The following PIP4K2A variants were observed in gnomAD, a reference collection of about 807,000 sequenced individuals.
PIP4K2A encodes the protein phosphatidylinositol-5-phosphate 4-kinase type 2 alpha, also known as phosphatidylinositol 5-phosphate 4-kinase type-2 alpha.
PIP4K2A carries 14 observed loss-of-function variants against 42.9 expected under a neutral mutation model. The ratio of observed to expected loss-of-function variants is 0.33; its 90% CI spans 0.22 to 0.51. The LOEUF (loss-of-function observed/expected upper bound fraction) is 0.51. PIP4K2A is among the 20% of genes least tolerant of loss of function. The pLI is 0.97. For synonymous variants in PIP4K2A, 192 were observed against 192.2 expected, an observed-to-expected ratio of 1.00 and a Z score of 0.01; for missense variants, 434 against 519.8, an observed-to-expected ratio of 0.83 and a Z score of 1.61.
chr10:22,685,998 T>C (rs1839758108), intron 1 of PIP4K2A, among the ~76,000 whole-genome samples: 1 of 152,206 alleles, frequency 6.6e-6, no homozygotes, highest in Non-Finnish European at 1.5e-5. Flanking sequence ...CTCCCTCTCA[T>C]TCCAATATTC....
intron 1 of PIP4K2A, among the ~76,000 whole-genome samples, chr10:22,698,195 G>A (rs74394799): frequency 8.5e-5 from 13 of 152,240 alleles, no homozygotes; most frequent in African/African-American, 2.2e-4. Context: ...GCCCATGTGC[G>A]TACATCTTTG....
chr10:22,678,014 A>G (rs751924971), intron 1 of PIP4K2A, among the ~76,000 whole-genome samples: 63 of 152,238 alleles, frequency 4.1e-4, no homozygotes, highest in Admixed American at 1.8e-3. Flanking sequence ...ATAGCTGACC[A>G]TTAATCACAT....
rs150254345 is a variant in PIP4K2A, at chr10:22,705,426, T to TAA, written c.144+8755_144+8756dup. ...TACGTATTATATTCAGTACCCCAGT[T>TAA]AAAAAAAAAAAAAAAAAAAAAAAAA... is the stretch of plus-strand genomic sequence containing the variant. On this transcript the variant is annotated intron_variant, in intron 1 of 9. Coordinates refer to ENST00000376573, the MANE Select transcript of PIP4K2A (RefSeq NM_005028.5). 6.5e-4 allele frequency among the ~76,000 whole-genome samples: 19 copies of TAA among 29,276 alleles called. 5 individuals carry two copies. The highest frequency in any genetic ancestry group is 1.9e-3 in the East Asian group (1 of 532). The allele number at this position is 29,276 out of a possible 152,430, so 19.2% of individuals were successfully genotyped here. A position where few individuals can be genotyped will look rare whatever the true frequency, so the allele number is the denominator to read the frequency against.
At chr10:22,692,310 G>A (rs750497392) in intron 1 of PIP4K2A, among the ~76,000 whole-genome samples, 10 of 152,024 alleles carry the variant, frequency 6.6e-5, no homozygotes, top group South Asian at 6.2e-4. Context: ...GAGCTCAGGC[G>A]GTAATGTGAG....
In PIP4K2A at chr10:22,541,634, A is replaced by G. The variant is rs374021474; in HGVS notation, c.1036+170T>C. ...GATCGCCTTATGTTTCAGCACTGAG[A>G]TCACGGTTAGCTTTAACATACTCTT... is the stretch of plus-strand genomic sequence containing the variant. On this transcript the variant is annotated intron_variant, in intron 8 of 9. Coordinates refer to ENST00000376573, the MANE Select transcript of PIP4K2A (RefSeq NM_005028.5). Among the ~76,000 whole-genome samples the G allele has an allele frequency of 3.9e-5, 6 of 152,160 alleles. No individual in the cohort carries two copies. In the East Asian group the frequency reaches 7.7e-4, roughly 20 times the overall value.
chr10:22,554,710 A>C (rs1836491695), intron 6 of PIP4K2A, among the ~76,000 whole-genome samples: 1 of 152,244 alleles, frequency 6.6e-6, no homozygotes, highest in East Asian at 1.9e-4. Flanking sequence ...TTTTGTGCAG[A>C]TCAGAGCCTC....
chr10:22,708,291 G>A (rs1428583036), intron 1 of PIP4K2A, among the ~76,000 whole-genome samples: 2 of 152,194 alleles, frequency 1.3e-5, no homozygotes, highest in African/African-American at 2.4e-5. Flanking sequence ...TAATTGTGCC[G>A]ACCTCTGTTT....
chr10:22,633,797 A>G (rs1394052179), intron 1 of PIP4K2A, among the ~76,000 whole-genome samples: 5 of 152,214 alleles, frequency 3.3e-5, no homozygotes, highest in Admixed American at 3.3e-4. Flanking sequence ...TCTTTGCCCC[A>G]GTATGGAGGC....
chr10:22,677,411 G>A (rs1361164758), intron 1 of PIP4K2A, among the ~76,000 whole-genome samples: 2 of 152,166 alleles, frequency 1.3e-5, no homozygotes, highest in African/African-American at 4.8e-5. Flanking sequence ...GCTTAGTTAT[G>A]AGGAGACCCC....
chr10:22,685,543 A>T (rs1158882581), intron 1 of PIP4K2A, among the ~76,000 whole-genome samples: 1 of 152,030 alleles, frequency 6.6e-6, no homozygotes, highest in African/African-American at 2.4e-5. Flanking sequence ...AAAAACAAAC[A>T]AACAAACAAA....
intron 6 of PIP4K2A, among the ~76,000 whole-genome samples, chr10:22,561,542 T>C (rs145922957): frequency 1.9e-4 from 29 of 149,778 alleles, no homozygotes; most frequent in African/African-American, 3.2e-4. Flanking sequence ...AATTAAACTA[T>C]GTCACCAGAG....
intron 1 of PIP4K2A, among the ~76,000 whole-genome samples, chr10:22,690,768 G>C (rs1015075963): frequency 6.6e-6 from 1 of 152,198 alleles, no homozygotes; most frequent in Non-Finnish European, 1.5e-5. Flanking sequence ...AAGGCAAATG[G>C]GAGGGCTAGA....
intron 1 of PIP4K2A, among the ~76,000 whole-genome samples, chr10:22,643,523 C>T (rs1021055235): frequency 2.0e-5 from 3 of 152,136 alleles, no homozygotes; most frequent in Admixed American, 6.5e-5. Flanking sequence ...GCCACCAGCT[C>T]GCTCCATTCC....
At chr10:22,714,069 G>T in intron 1 of PIP4K2A, 114 bp downstream of exon 1, 1 of 1,137,604 alleles carries the variant, frequency 8.8e-7, no homozygotes, top group Non-Finnish European at 1.2e-6. Context: ...GCAGCCGGAG[G>T]TCCAGGGCTG....
At chr10:22,619,169 T>TA (rs571742568) in intron 1 of PIP4K2A, among the ~76,000 whole-genome samples, 3,568 of 148,288 alleles carry the variant, frequency 0.024, 139 homozygotes, top group African/African-American at 0.081. Context: ...TTAAGAACTT[T>TA]AAAAAAAAAA....
At chr10:22,657,195 A>G (rs1356348067) in intron 1 of PIP4K2A, among the ~76,000 whole-genome samples, 1 of 152,184 alleles carries the variant, frequency 6.6e-6, no homozygotes, top group African/African-American at 2.4e-5. Context: ...ACATTCTCAG[A>G]AGCACCAACC....
At chr10:22,570,498 C>A (rs986737902) in intron 5 of PIP4K2A, among the ~76,000 whole-genome samples, 1 of 152,142 alleles carries the variant, frequency 6.6e-6, no homozygotes, top group African/African-American at 2.4e-5. Flanking sequence ...TCCAGGGGCA[C>A]AAAATGGCTT....
chr10:22,649,731 C>T (rs1238291152), intron 1 of PIP4K2A, among the ~76,000 whole-genome samples: 1 of 152,190 alleles, frequency 6.6e-6, no homozygotes, highest in Non-Finnish European at 1.5e-5. Flanking sequence ...CATAATGGGA[C>T]AGATTTACTC....
intron 7 of PIP4K2A, among the ~76,000 whole-genome samples, chr10:22,548,613 G>C (rs1174695573): frequency 6.6e-6 from 1 of 152,216 alleles, no homozygotes; most frequent in African/African-American, 2.4e-5. Context: ...AGATCCCAAA[G>C]CAAGGGGGAA....
Sources: gnomAD v4.1 joint callset for allele counts (sites outside exome capture counted in the v4.1 genomes callset) on GRCh38, gnomAD v4.1.1 for gene constraint, MANE v1.5 for transcripts, NCBI Gene and HGNC (gene_info 2026-07-23, HGNC 2026-07-21) for gene names.